The following DPYD variants were observed in gnomAD, a reference collection of about 807,000 sequenced individuals.
DPYD encodes dihydropyrimidine dehydrogenase, also known as dihydropyrimidine dehydrogenase [NADP(+)].
DPYD carries 109 observed loss-of-function variants against 116.2 expected under a neutral mutation model. The observed-to-expected ratio is 0.94, with a 90% CI of 0.80 to 1.10. The LOEUF (loss-of-function observed/expected upper bound fraction) is 1.10. Ranked by LOEUF, DPYD falls within the 50% of genes least tolerant of loss-of-function variation. DPYD has a pLI of 0.00. For synonymous variants in DPYD, 440 were observed against 432.0 expected, an observed-to-expected ratio of 1.02 and a Z score of -0.23; for missense variants, 1,302 against 1,254.5, an observed-to-expected ratio of 1.04 and a Z score of -0.57.
At chr1:97,550,432 CTAAAAGAGTCATG>C (rs1651231821) in intron 11 of DPYD, among the ~76,000 whole-genome samples, 1 of 151,974 alleles carries the variant, frequency 6.6e-6, no homozygotes, top group Non-Finnish European at 1.5e-5. Flanking sequence ...TCTAATGAAT[CTAAAAGAGTCATG>C]GAAGAGGAAT....
intron 18 of DPYD, among the ~76,000 whole-genome samples, chr1:97,269,900 T>A (rs749200561): frequency 1.1e-4 from 16 of 152,190 alleles, no homozygotes; most frequent in Non-Finnish European, 1.8e-4. Flanking sequence ...GCGCTCAATA[T>A]CTTTCCAAGT....
chr1:97,148,542 A>C (rs913867338), intron 20 of DPYD, among the ~76,000 whole-genome samples: 2 of 152,154 alleles, frequency 1.3e-5, no homozygotes, highest in African/African-American at 2.4e-5. Context: ...GGAAATAAGG[A>C]GAGGCATTTT....
At chr1:97,526,238 A>G (rs1649078567) in intron 12 of DPYD, among the ~76,000 whole-genome samples, 1 of 152,152 alleles carries the variant, frequency 6.6e-6, no homozygotes, top group African/African-American at 2.4e-5. Flanking sequence ...GCCTCCAGGA[A>G]GAGCTGGGAA....
At chr1:97,206,693 A>C (rs1282257423) in intron 19 of DPYD, among the ~76,000 whole-genome samples, 2 of 118,326 alleles carry the variant, frequency 1.7e-5, no homozygotes, top group Admixed American at 1.8e-4. Context: ...TATATAATCT[A>C]TATGCTTATA....
chr1:97,361,324 C>A (rs1343057185), intron 16 of DPYD, among the ~76,000 whole-genome samples: 1 of 152,090 alleles, frequency 6.6e-6, no homozygotes, highest in Non-Finnish European at 1.5e-5. Flanking sequence ...AGCCTACCAA[C>A]CAAAAAAAGT....
chr1:97,256,302 C>G (rs1207056907), intron 18 of DPYD, among the ~76,000 whole-genome samples: 2 of 152,082 alleles, frequency 1.3e-5, no homozygotes, highest in African/African-American at 2.4e-5. Context: ...CCTCATCCTT[C>G]CTTCTCTCTT....
chr1:97,679,056 T>C (rs563912067), intron 8 of DPYD, 39 bp downstream of exon 8: 3 of 1,005,652 alleles, frequency 3.0e-6, no homozygotes, highest in South Asian at 2.0e-5. Flanking sequence ...AATAAAAAAA[T>C]ACATTATAAA....
chr1:97,733,788 A>T (rs1229027259), intron 4 of DPYD, among the ~76,000 whole-genome samples: 6 of 152,052 alleles, frequency 3.9e-5, no homozygotes, highest in Non-Finnish European at 1.5e-5. Flanking sequence ...ATCATATCAA[A>T]GTTCTTTCCT....
At chr1:97,323,401 T>C (rs1458740306) in intron 16 of DPYD, among the ~76,000 whole-genome samples, 1 of 95,432 alleles carries the variant, frequency 1.0e-5, no homozygotes, top group Non-Finnish European at 2.5e-5. Context: ...TGTATACATA[T>C]GTGTATATGT....
intron 3 of DPYD, among the ~76,000 whole-genome samples, chr1:97,750,107 A>T (rs1435664929): frequency 6.6e-6 from 1 of 152,110 alleles, no homozygotes; most frequent in Non-Finnish European, 1.5e-5. Context: ...ACTTTAAAAA[A>T]CTAATATATA....
chr1:97,446,276 T>C (rs1279386885), intron 14 of DPYD, among the ~76,000 whole-genome samples: 4 of 152,180 alleles, frequency 2.6e-5, no homozygotes, highest in Non-Finnish European at 5.9e-5. Context: ...GAGAATCCTT[T>C]GTAACCCTAT....
chr1:97,876,263 C>T (rs776233035), intron 2 of DPYD, among the ~76,000 whole-genome samples: 5 of 151,936 alleles, frequency 3.3e-5, no homozygotes, highest in Non-Finnish European at 7.4e-5. Flanking sequence ...GTCGCTACTG[C>T]GGTTTTGCAG....
intron 8 of DPYD, among the ~76,000 whole-genome samples, chr1:97,605,391 G>A (rs566466109): frequency 1.3e-5 from 2 of 152,094 alleles, no homozygotes; most frequent in South Asian, 4.2e-4. Flanking sequence ...TCTCATGATA[G>A]TGAGTGAGTT....
chr1:97,808,108 T>C (rs1414459499), intron 3 of DPYD, among the ~76,000 whole-genome samples: 1 of 152,098 alleles, frequency 6.6e-6, no homozygotes, highest in African/African-American at 2.4e-5. Flanking sequence ...CTTCTGCTTT[T>C]CTATATAAGG....
intron 5 of DPYD, among the ~76,000 whole-genome samples, chr1:97,699,954 A>G (rs766438858): frequency 6.6e-6 from 1 of 152,130 alleles, no homozygotes; most frequent in Non-Finnish European, 1.5e-5. Flanking sequence ...TTACCCTTGC[A>G]TTATAGGAGT....
At chr1:97,342,816 C>T (rs983337500) in intron 16 of DPYD, among the ~76,000 whole-genome samples, 1 of 152,176 alleles carries the variant, frequency 6.6e-6, no homozygotes, top group East Asian at 1.9e-4. Flanking sequence ...TATTTAGTGG[C>T]CTTTGCAATT....
intron 20 of DPYD, among the ~76,000 whole-genome samples, chr1:97,127,936 T>C (rs1355373297): frequency 1.3e-4 from 20 of 152,142 alleles, no homozygotes; most frequent in Admixed American, 1.3e-3. Context: ...CATGTATGTA[T>C]TGCTAATCTT....
At chr1:97,771,229 T>C (rs1666126494) in intron 3 of DPYD, among the ~76,000 whole-genome samples, 1 of 152,098 alleles carries the variant, frequency 6.6e-6, no homozygotes, top group East Asian at 1.9e-4. Context: ...TGAGCCGCAC[T>C]CCAGTCTAGG....
chr1:97,687,313 A>G (rs1660790701), intron 7 of DPYD, among the ~76,000 whole-genome samples: 1 of 152,126 alleles, frequency 6.6e-6, no homozygotes, highest in South Asian at 2.1e-4. Context: ...ACTTACGTAA[A>G]GGACATGAAC....
Sources: allele counts gnomAD v4.1 joint callset (sites outside exome capture counted in the v4.1 genomes callset), GRCh38; gene constraint gnomAD v4.1.1; transcripts MANE v1.5; gene names NCBI Gene and HGNC (gene_info 2026-07-23, HGNC 2026-07-21).